The following IPMK variants were observed in gnomAD, a reference collection of about 807,000 sequenced individuals.
IPMK encodes the protein inositol polyphosphate multikinase.
IPMK carries 17 observed loss-of-function variants against 45.8 expected under a neutral mutation model. That is an observed-to-expected ratio of 0.37 (90% confidence interval 0.25 to 0.56). The LOEUF (loss-of-function observed/expected upper bound fraction) is 0.56, where lower values mean the gene tolerates loss of function less well. Among genes scored for constraint, IPMK ranks in the 20% least tolerant of loss-of-function variants. IPMK has a pLI of 0.79. For synonymous variants in IPMK, 180 were observed against 184.3 expected (o/e 0.98, Z 0.19); for missense variants, 399 against 498.0 (o/e 0.80, Z 1.89).
At chr10:58,253,196 A>G (rs1401806903) in intron 1 of IPMK, among the ~76,000 whole-genome samples, 1 of 152,204 alleles carries the variant, frequency 6.6e-6, no homozygotes, top group African/African-American at 2.4e-5. Context: ...GCCGCTATGT[A>G]AAATATGACT....
chr10:58,258,935 G>A (rs1490714452), intron 1 of IPMK, among the ~76,000 whole-genome samples: 4 of 152,064 alleles, frequency 2.6e-5, no homozygotes, highest in African/African-American at 9.7e-5. Flanking sequence ...AAAATAAGTT[G>A]GTTTAAATAT....
intron 1 of IPMK, among the ~76,000 whole-genome samples, chr10:58,264,943 T>A (rs756782716): frequency 6.6e-6 from 1 of 152,182 alleles, no homozygotes; most frequent in Admixed American, 6.5e-5. Context: ...TAGTTACCAG[T>A]GATTGCCCCT....
intron 2 of IPMK, among the ~76,000 whole-genome samples, chr10:58,236,825 G>A (rs574509714): frequency 6.6e-6 from 1 of 152,106 alleles, no homozygotes; most frequent in Non-Finnish European, 1.5e-5. Flanking sequence ...GGGTTGGGGT[G>A]GGGAGATGCT....
rs1837837862 is a variant in IPMK, at chr10:58,192,936, A to ATT, written c.*3138_*3139dup. 6.6e-6 allele frequency: 1 copy of ATT among 152,024 alleles called. No homozygotes were observed. Among genetic ancestry groups the ATT allele is most frequent in the Non-Finnish European group, 1.5e-5 (1 of 67,896 alleles). The allele number at this position is 152,024 out of a possible 1,614,324, so 9.4% of individuals were successfully genotyped here. ...AGAAAGAAGGTAAGCATTATAAACAATTTTTAAAGCAAAACAAGTTTTAAA... is the reference window on the plus strand; with the variant it reads ...AGAAAGAAGGTAAGCATTATAAACAATTTTTTTAAAGCAAAACAAGTTTTAAA... On this transcript the variant is annotated 3_prime_UTR_variant, in exon 6 of 6. Transcript: ENST00000373935.
In IPMK at chr10:58,207,701, A is replaced by G. The variant is rs935413003; in HGVS notation, c.547-8380T>C. ...AGGTCTAGTAGTAATTACTTTATGAATTTAGGAGCTCCAGTGTTAGGTGCA... is the reference window on the plus strand; with the variant it reads ...AGGTCTAGTAGTAATTACTTTATGAGTTTAGGAGCTCCAGTGTTAGGTGCA... On this transcript the variant is annotated intron_variant, in intron 4 of 5. Coordinates refer to ENST00000373935, the MANE Select transcript of IPMK (RefSeq NM_152230.5). Among the ~76,000 whole-genome samples, 37 of 152,136 alleles carry G rather than the reference A, an allele frequency of 2.4e-4. 1 individual carries two copies. The highest frequency in any genetic ancestry group is 8.4e-4 in the African/African-American group (35 of 41,530).
At chr10:58,211,869 G>GCCACTGC (rs1838165183) in intron 4 of IPMK, among the ~76,000 whole-genome samples, 1 of 125,866 alleles carries the variant, frequency 7.9e-6, no homozygotes, top group African/African-American at 3.3e-5. Flanking sequence ...CCATGATCTT[G>GCCACTGC]CCACTGCACT....
intron 4 of IPMK, among the ~76,000 whole-genome samples, chr10:58,213,488 TC>T (rs1490555242): frequency 6.6e-6 from 1 of 152,072 alleles, no homozygotes; most frequent in East Asian, 1.9e-4. Flanking sequence ...ATTGAGACCA[TC>T]CTGGCTAACA....
intron 3 of IPMK, among the ~76,000 whole-genome samples, chr10:58,217,107 C>T (rs1838254584): frequency 6.7e-6 from 1 of 149,704 alleles, no homozygotes; most frequent in Non-Finnish European, 1.5e-5. Flanking sequence ...CCTCGGCCTC[C>T]CAAACTGCTG....
At position 58,196,249 on chromosome 10, in the gene IPMK, A is replaced by C; in HGVS notation, c.1078T>G (p.Ser360Ala). 6.2e-7 allele frequency: 1 copy of C among 1,614,186 alleles called. No individual in the cohort carries two copies. Among genetic ancestry groups the C allele is most frequent in the Non-Finnish European group, 8.5e-7 (1 of 1,180,008 alleles). ...SQEHLNGNVL[S>A]QLEKVFYHLP... is the part of the protein sequence containing the mutation. The stretch of plus-strand genomic sequence containing the variant: ...TGGTAGAAAACTTTTTCCAGTTGGG[A>C]AAGTACATTTCCATTTAAATGTTCC... Residue 360 changes from serine to alanine, a missense_variant, in exon 6 of 6, where the codon TCC becomes GCC. By Grantham distance (99) the Ser-to-Ala change is moderately conservative. Transcript: ENST00000373935.
intron 2 of IPMK, among the ~76,000 whole-genome samples, chr10:58,233,091 G>GA (rs1838550582): frequency 6.6e-6 from 1 of 152,100 alleles, no homozygotes; most frequent in Non-Finnish European, 1.5e-5. Flanking sequence ...TAAATTCATG[G>GA]ACATATACAC....
Position 58,267,617 on chromosome 10 carries a change from A to C in IPMK, c.-6T>G, listed in dbSNP as rs751680587. The C allele has an allele frequency of 1.3e-6, 2 of 1,582,796 alleles. No homozygotes were observed. Among genetic ancestry groups the C allele is most frequent in the Non-Finnish European group, 1.7e-6 (2 of 1,162,492 alleles). ...GATGGTGGCTCTGTTGCCATAACGG[A>C]GAGCAGAAGCGGTAACGGCAGCGAG... On this transcript the variant is annotated 5_prime_UTR_variant, in exon 1 of 6. Coordinates refer to ENST00000373935, the MANE Select transcript of IPMK (RefSeq NM_152230.5).
chr10:58,231,785 C>T (rs1838526103), intron 2 of IPMK, among the ~76,000 whole-genome samples: 1 of 152,224 alleles, frequency 6.6e-6, no homozygotes, highest in Middle Eastern at 3.4e-3. Context: ...GGCAAAATAA[C>T]CAGCGAACAT....
At chr10:58,211,926 T>TAAAAAA (rs1838171533) in intron 4 of IPMK, among the ~76,000 whole-genome samples, 1 of 106,256 alleles carries the variant, frequency 9.4e-6, no homozygotes, top group African/African-American at 4.9e-5. Flanking sequence ...AAAAAAAAAA[T>TAAAAAA]TTGTTTTCAT....
chr10:58,206,326 T>TAAA (rs1490733583), intron 4 of IPMK, among the ~76,000 whole-genome samples: 3 of 152,184 alleles, frequency 2.0e-5, no homozygotes, highest in Non-Finnish European at 4.4e-5. Flanking sequence ...TAGGGACTGC[T>TAAA]AATGTGTATG....
intron 1 of IPMK, among the ~76,000 whole-genome samples, chr10:58,262,101 G>C (rs1839079819): frequency 6.6e-6 from 1 of 152,102 alleles, no homozygotes; most frequent in Non-Finnish European, 1.5e-5. Context: ...CGTGGGGTTG[G>C]GGGGATGGGG....
At position 58,196,610 on chromosome 10, in the gene IPMK, C is replaced by T; in HGVS notation, c.717G>A (p.Trp239Ter). 1 of 1,614,060 alleles carries T rather than the reference C, an allele frequency of 6.2e-7. No homozygotes were observed. The highest frequency in any genetic ancestry group is 8.5e-7 in the Non-Finnish European group (1 of 1,179,956). The part of the protein sequence containing the change: ...SIQKIEKILQ[W>*]FENQKQLNFY... ...AATTAAGCTGCTTCTGGTTTTCAAA[C>T]CACTGCAGAATTTTCTCAATCTTCT... The change falls in exon 6 of 6, where the codon TGG (tryptophan) becomes TGA (stop). Residue 239 changes from tryptophan (W) to a stop codon, truncating the protein, a stop_gained. Coordinates refer to ENST00000373935, the MANE Select transcript of IPMK (RefSeq NM_152230.5). LOFTEE classifies it high-confidence loss of function.
At chr10:58,251,090 T>G (rs956176800) in intron 1 of IPMK, among the ~76,000 whole-genome samples, 2 of 152,210 alleles carry the variant, frequency 1.3e-5, no homozygotes, top group Admixed American at 1.3e-4. Flanking sequence ...GATGCATCAT[T>G]AGGTTATTTG....
At chr10:58,238,912 C>A (rs1838657355) in intron 1 of IPMK, among the ~76,000 whole-genome samples, 1 of 151,716 alleles carries the variant, frequency 6.6e-6, no homozygotes, top group African/African-American at 2.4e-5. Context: ...GTAATTCCAG[C>A]ACTTTGGTAG....
chr10:58,221,752 CTTTAT>C (rs980264319), intron 3 of IPMK, among the ~76,000 whole-genome samples: 2 of 150,966 alleles, frequency 1.3e-5, no homozygotes, highest in African/African-American at 4.9e-5. Flanking sequence ...TTTCTTTTCT[CTTTAT>C]TTTATTTTTG....
Sources: gnomAD v4.1 joint callset for allele counts (sites outside exome capture counted in the v4.1 genomes callset) on GRCh38, gnomAD v4.1.1 for gene constraint, MANE v1.5 for transcripts, NCBI Gene and HGNC (gene_info 2026-07-23, HGNC 2026-07-21) for gene names.